The following HLCS variants were observed in gnomAD, a reference collection of about 807,000 sequenced individuals.
HLCS encodes the protein biotin--protein ligase.
In HLCS, 53 loss-of-function variants were observed where a neutral mutation model predicts 75.0. That is an observed-to-expected ratio of 0.71 (90% CI 0.57 to 0.89). HLCS has a LOEUF of 0.89. Ranked by LOEUF, HLCS falls within the 40% of genes least tolerant of loss-of-function variation. HLCS has a pLI of 0.00. For synonymous variants in HLCS, 431 were observed against 428.6 expected (o/e 1.01, Z -0.07); for missense variants, 966 against 1,074.0 (o/e 0.90, Z 1.41).
At chr21:36,910,460 C>T (rs1341275231) in intron 5 of HLCS, among the ~76,000 whole-genome samples, 1 of 151,666 alleles carries the variant, frequency 6.6e-6, no homozygotes, top group Non-Finnish European at 1.5e-5. Flanking sequence ...GCAAGAGAAT[C>T]GCTTGAACTC....
chr21:36,766,726 G>A (rs2090048710), intron 7 of HLCS, among the ~76,000 whole-genome samples: 1 of 152,080 alleles, frequency 6.6e-6, no homozygotes, highest in Admixed American at 6.5e-5. Flanking sequence ...GGAGCCCTGG[G>A]CAGCGCTCTG....
At chr21:36,978,294 G>T (rs904650488) in intron 1 of HLCS, among the ~76,000 whole-genome samples, 2 of 152,044 alleles carry the variant, frequency 1.3e-5, no homozygotes. Context: ...TCAGGAGTTC[G>T]AGACCAGCCT....
chr21:36,787,707 G>A (rs971256237), intron 6 of HLCS, among the ~76,000 whole-genome samples: 2 of 152,130 alleles, frequency 1.3e-5, no homozygotes, highest in East Asian at 1.9e-4. Flanking sequence ...AGAGCCGCTC[G>A]ACCATGAGGA....
intron 8 of HLCS, among the ~76,000 whole-genome samples, chr21:36,761,593 T>C (rs2089847113): frequency 6.6e-6 from 1 of 151,520 alleles, no homozygotes. Flanking sequence ...CCTGAGGGAG[T>C]GCTACCGGCG....
chr21:36,911,271 G>T (rs1357776336), intron 5 of HLCS, among the ~76,000 whole-genome samples: 1 of 152,038 alleles, frequency 6.6e-6, no homozygotes. Flanking sequence ...CCCTCCCCTG[G>T]CCTCTGGGTT....
rs529756771 is a variant in HLCS, at chr21:36,978,590, G to T, written c.-393+11568C>A. ...TTAAACTGCAGCCTGAGGACTGCTGGGTGGGATCCTGTAGAGCACACTGAG... is the reference window on the plus strand; with the variant it reads ...TTAAACTGCAGCCTGAGGACTGCTGTGTGGGATCCTGTAGAGCACACTGAG... On this transcript the variant is annotated intron_variant, in intron 1 of 11. Coordinates refer to the HLCS transcript ENST00000336648. Among the ~76,000 whole-genome samples, 17 of 152,260 alleles carry T rather than the reference G, an allele frequency of 1.1e-4. No individual in the cohort carries two copies. In the South Asian group the frequency reaches 3.5e-3, roughly 32 times the overall value.
At position 36,927,700 on chromosome 21, in the gene HLCS, A is replaced by G. The variant is rs111305751; in HGVS notation, c.1620+2551T>C. ...CCACCAATATAATGGAAAACTATAA[A>G]ATTATACTATGTGAAACTGATATAG... On this transcript the variant is annotated intron_variant, in intron 5 of 10. Transcript: ENST00000674895. Among the ~76,000 whole-genome samples the G allele has an allele frequency of 1.6e-3, 241 of 152,360 alleles. 3 individuals carry two copies. The highest frequency in any genetic ancestry group is 5.5e-3 in the African/African-American group (229 of 41,580).
chr21:36,930,221 G>A (rs375491242), intron 5 of HLCS, 30 bp downstream of exon 5: 94 of 1,602,278 alleles, frequency 5.9e-5, no homozygotes, highest in African/African-American at 5.1e-4. Flanking sequence ...ACGTCACAGC[G>A]CGCTCTGCCC....
intron 6 of HLCS, among the ~76,000 whole-genome samples, chr21:36,811,293 A>T (rs1338754922): frequency 1.3e-5 from 2 of 152,206 alleles, no homozygotes; most frequent in East Asian, 3.8e-4. Context: ...TCACAATGTT[A>T]TTATTCTAGA....
In HLCS at chr21:36,765,058, A is replaced by G. The variant is rs2089984445; in HGVS notation, c.2075T>C (p.Met692Thr). The stretch of plus-strand genomic sequence containing the variant: ...CACTGCTTCCACGACAGCCACGGAC[A>G]TCAGATGCTGGACAAACGGGATCCT... ...GQRIPFVQHL[M>T]SVAVVEAVRS... The change falls in exon 8 of 11, where the codon ATG becomes ACG. Residue 692 changes from methionine (M) to threonine (T), a missense_variant. Met to Thr is a moderately conservative substitution (Grantham distance 81). Coordinates refer to ENST00000674895, the MANE Select transcript of HLCS (RefSeq NM_001352514.2). 6.2e-7 allele frequency: 1 copy of G among 1,614,218 alleles called. No homozygotes were observed. Among genetic ancestry groups the G allele is most frequent in the Non-Finnish European group, 8.5e-7 (1 of 1,180,042 alleles).
At chr21:36,804,844 A>G (rs2061317133) in intron 6 of HLCS, among the ~76,000 whole-genome samples, 1 of 152,210 alleles carries the variant, frequency 6.6e-6, no homozygotes, top group South Asian at 2.1e-4. Context: ...ATAAAAATGG[A>G]CCTTGGCTAC....
chr21:36,768,113 A>C (rs1296440837), intron 6 of HLCS, among the ~76,000 whole-genome samples: 1 of 152,250 alleles, frequency 6.6e-6, no homozygotes, highest in Non-Finnish European at 1.5e-5. Context: ...GGAATTGCCG[A>C]TCAGGTGCTG....
chr21:36,869,991 G>A (rs1174323080), intron 6 of HLCS, among the ~76,000 whole-genome samples: 3 of 152,152 alleles, frequency 2.0e-5, no homozygotes, highest in Non-Finnish European at 4.4e-5. Context: ...AATAAAACCC[G>A]TGAACCCTAG....
chr21:36,898,963 C>T (rs770078718), intron 5 of HLCS, among the ~76,000 whole-genome samples: 11 of 151,408 alleles, frequency 7.3e-5, no homozygotes, highest in Admixed American at 1.3e-4. Context: ...CAGGTGGCAG[C>T]GGTGGAAAGA....
At chr21:36,864,269 G>A (rs190770772) in intron 6 of HLCS, among the ~76,000 whole-genome samples, 4,021 of 151,914 alleles carry the variant, frequency 0.026, 123 homozygotes, top group African/African-American at 0.075. Context: ...GCATGGTGGC[G>A]TGTGCCTGTA....
intron 2 of HLCS, among the ~76,000 whole-genome samples, chr21:36,946,533 T>C (rs7276076): frequency 0.025 from 3,817 of 152,176 alleles, 158 homozygotes; most frequent in African/African-American, 0.082. Context: ...TGAGCCACCA[T>C]GTCCGGCCCC....
At chr21:36,847,485 G>A (rs188962951) in intron 6 of HLCS, among the ~76,000 whole-genome samples, 261 of 152,264 alleles carry the variant, frequency 1.7e-3, no homozygotes, top group African/African-American at 6.2e-3. Flanking sequence ...ACTATCCTAC[G>A]TTAGAGTCAG....
At chr21:36,790,209 T>G (rs542096597) in intron 6 of HLCS, among the ~76,000 whole-genome samples, 150 of 152,204 alleles carry the variant, frequency 9.9e-4, no homozygotes, top group Admixed American at 1.6e-3. Context: ...ATCAAGACCA[T>G]CCTAGCCAAC....
In HLCS at chr21:36,897,008, AT is replaced by A; in HGVS notation, c.1743del (p.Ser582LeufsTer6). On this transcript the variant is annotated frameshift_variant, in exon 6 of 11. Coordinates refer to ENST00000674895, the MANE Select transcript of HLCS (RefSeq NM_001352514.2). LOFTEE classifies it high-confidence loss of function. ...ATGTTGGTCACCACAGGTATACAAG[AT>A]GGGGTTATTTCTACTTCAGACACGT... Reference protein sequence around the residue: ...SSYVSEVEITPSCIPVVTNME... With the variant: ...SSYVSEVEITXSCIPVVTNME... The A allele has an allele frequency of 6.2e-7, 1 of 1,614,188 alleles. No individual in the cohort carries two copies.
Sources: gnomAD v4.1 joint callset for allele counts (sites outside exome capture counted in the v4.1 genomes callset) on GRCh38, gnomAD v4.1.1 for gene constraint, MANE v1.5 for transcripts, NCBI Gene and HGNC (gene_info 2026-07-23, HGNC 2026-07-21) for gene names.